Variants in ROBO1 observed in about 807,000 individuals in gnomAD.
ROBO1 encodes the protein roundabout guidance receptor 1.
In ROBO1, 149 loss-of-function variants were observed where a neutral mutation model predicts 195.9. The observed-to-expected ratio is 0.76, with a 90% CI of 0.67 to 0.87. The LOEUF is 0.87. ROBO1 is among the 40% of genes least tolerant of loss of function. The probability of loss-of-function intolerance (pLI) is 0.00; values close to 1 mark genes in which losing one functional copy is unlikely to be tolerated. For synonymous variants in ROBO1, 816 were observed against 733.2 expected, an observed-to-expected ratio of 1.11 and a Z score of -1.82; for missense variants, 1,933 against 2,068.3, an observed-to-expected ratio of 0.93 and a Z score of 1.27.
chr3:79,019,249 G>A (rs1010481913), intron 3 of ROBO1: 24 of 985,874 alleles, frequency 2.4e-5, no homozygotes, highest in East Asian at 1.1e-4. Context: ...AAACTACGCA[G>A]AAGCCCAAAC....
chr3:79,207,444 T>G (rs999881432), intron 2 of ROBO1, among the ~76,000 whole-genome samples: 1 of 152,262 alleles, frequency 6.6e-6, no homozygotes, highest in South Asian at 2.1e-4. Context: ...CCATCTACTT[T>G]CCAGTCGTAA....
intron 3 of ROBO1, among the ~76,000 whole-genome samples, chr3:78,942,694 G>GA (rs1364861736): frequency 8.5e-5 from 13 of 152,146 alleles, no homozygotes; most frequent in African/African-American, 3.1e-4. Context: ...ACCTCAGCTG[G>GA]AAAGTCAATT....
intron 4 of ROBO1, among the ~76,000 whole-genome samples, chr3:78,811,419 G>C (rs1305022838): frequency 1.3e-5 from 2 of 152,020 alleles, no homozygotes; most frequent in Admixed American, 1.3e-4. Flanking sequence ...CATGTTATAG[G>C]AGCCAACTAA....
intron 2 of ROBO1, among the ~76,000 whole-genome samples, chr3:79,264,484 A>G (rs1302790542): frequency 1.3e-5 from 2 of 151,916 alleles, no homozygotes; most frequent in African/African-American, 4.8e-5. Flanking sequence ...AACTATTCAT[A>G]TATTAACATT....
intron 4 of ROBO1, among the ~76,000 whole-genome samples, chr3:78,881,010 T>C (rs2036144910): frequency 2.0e-5 from 3 of 152,196 alleles, no homozygotes; most frequent in Admixed American, 2.0e-4. Flanking sequence ...CGTATTCTCT[T>C]TGGATTCTGG....
At chr3:78,962,547 C>T (rs1413964395) in intron 3 of ROBO1, among the ~76,000 whole-genome samples, 6 of 151,810 alleles carry the variant, frequency 4.0e-5, no homozygotes, top group African/African-American at 1.2e-4. Flanking sequence ...TCTTTTCGGC[C>T]GGGCGCGGTG....
chr3:79,230,017 A>T (rs1291623393), intron 2 of ROBO1, among the ~76,000 whole-genome samples: 1 of 152,158 alleles, frequency 6.6e-6, no homozygotes, highest in Non-Finnish European at 1.5e-5. Flanking sequence ...GAACTTCCAG[A>T]AACTAACCTT....
At position 79,000,331 on chromosome 3, in the gene ROBO1, G is replaced by C. The variant is rs112296330; in HGVS notation, c.173-61404C>G. Reference sequence around the variant, plus strand: ...GATTCTGGGTAGTAGACCTTTGTCAGATGGATAGATTGCAAAAATTTTCTC... The same window carrying C: ...GATTCTGGGTAGTAGACCTTTGTCACATGGATAGATTGCAAAAATTTTCTC... On this transcript the variant is annotated intron_variant, in intron 3 of 30. Transcript: ENST00000464233. Among the ~76,000 whole-genome samples the C allele has an allele frequency of 3.8e-3, 575 of 152,216 alleles. 8 individuals carry two copies. Among genetic ancestry groups the C allele is most frequent in the African/African-American group, 0.013 (535 of 41,536 alleles).
intron 26 of ROBO1, among the ~76,000 whole-genome samples, chr3:78,623,802 A>G (rs986775049): frequency 2.0e-5 from 3 of 152,152 alleles, no homozygotes; most frequent in African/African-American, 7.2e-5. Context: ...AACCTACAGG[A>G]ATAAGTAGTT....
intron 4 of ROBO1, among the ~76,000 whole-genome samples, chr3:78,911,899 G>C (rs1271397483): frequency 6.6e-6 from 1 of 152,024 alleles, no homozygotes; most frequent in Non-Finnish European, 1.5e-5. Flanking sequence ...CCGCTATTTT[G>C]ATTCCAATAC....
intron 2 of ROBO1, among the ~76,000 whole-genome samples, chr3:79,142,430 A>G (rs754315835): frequency 6.6e-6 from 1 of 152,130 alleles, no homozygotes; most frequent in Non-Finnish European, 1.5e-5. Flanking sequence ...ATCAGAAGGA[A>G]GAAGATTTGA....
In ROBO1 at chr3:78,598,889, A is replaced by G. The variant is rs557214338; in HGVS notation, c.*24T>C. The G allele has an allele frequency of 6.5e-7, 1 of 1,529,410 alleles. No individual in the cohort carries two copies. Among genetic ancestry groups the G allele is most frequent in the Non-Finnish European group, 8.9e-7 (1 of 1,124,860 alleles). 94.7% of individuals were successfully genotyped at this position (1,529,410 alleles called of 1,614,324 possible). ...TCTTGAGTGATGATTTTCACATTAG[A>G]TCTCATAAGCCTCTTGGTTGTCTTC... On this transcript the variant is annotated 3_prime_UTR_variant, in exon 31 of 31. Transcript: ENST00000464233.
At chr3:78,676,707 C>T (rs1455483015) in intron 10 of ROBO1, among the ~76,000 whole-genome samples, 2 of 152,134 alleles carry the variant, frequency 1.3e-5, no homozygotes, top group Admixed American at 1.3e-4. Flanking sequence ...GATTGGTGTA[C>T]CTGAAAGTGA....
chr3:78,634,196 G>A (rs1412458398), intron 23 of ROBO1, among the ~76,000 whole-genome samples, 154 bp from the exon 24 acceptor site: 1 of 151,426 alleles, frequency 6.6e-6, no homozygotes, highest in African/African-American at 2.4e-5. Context: ...CAGATTGTCA[G>A]GATATAAAAA....
chr3:78,979,948 CT>C (rs2076957669), intron 3 of ROBO1, among the ~76,000 whole-genome samples: 1 of 152,016 alleles, frequency 6.6e-6, no homozygotes, highest in Non-Finnish European at 1.5e-5. Flanking sequence ...ATAGAAAAAG[CT>C]TTTGATCTTC....
chr3:78,937,035 T>A (rs1482067225), intron 4 of ROBO1, among the ~76,000 whole-genome samples: 1 of 152,120 alleles, frequency 6.6e-6, no homozygotes, highest in Non-Finnish European at 1.5e-5. Flanking sequence ...AGAAATATTT[T>A]AAAAATGAAT....
At chr3:79,319,982 C>T (rs917917351) in intron 2 of ROBO1, among the ~76,000 whole-genome samples, 2 of 152,086 alleles carry the variant, frequency 1.3e-5, no homozygotes, top group Non-Finnish European at 2.9e-5. Flanking sequence ...CCAGGGTAGA[C>T]CCTCAATATA....
intron 3 of ROBO1, among the ~76,000 whole-genome samples, chr3:79,121,087 G>C (rs1367170429): frequency 6.6e-6 from 1 of 152,032 alleles, no homozygotes; most frequent in African/African-American, 2.4e-5. Flanking sequence ...GCAGACCCCA[G>C]GCCCTGTCTC....
intron 17 of ROBO1, among the ~76,000 whole-genome samples, chr3:78,658,154 A>C (rs1275343702): frequency 6.6e-6 from 1 of 152,326 alleles, no homozygotes; most frequent in Admixed American, 6.5e-5. Flanking sequence ...CTATTCTATA[A>C]TCCTTGTTTT....
Sources: allele counts gnomAD v4.1 joint callset (sites outside exome capture counted in the v4.1 genomes callset), GRCh38; gene constraint gnomAD v4.1.1; transcripts MANE v1.5; gene names NCBI Gene and HGNC (gene_info 2026-07-23, HGNC 2026-07-21).